The following SLC25A26 variants were observed in gnomAD, a reference collection of about 807,000 sequenced individuals.
The protein encoded by SLC25A26 is mitochondrial S-adenosylmethionine carrier protein.
Under a neutral mutation model 37.8 loss-of-function variants are expected in SLC25A26, and 36 were observed. The ratio of observed to expected loss-of-function variants is 0.95; its 90% CI spans 0.73 to 1.26. The LOEUF (loss-of-function observed/expected upper bound fraction) is 1.26, where lower values mean the gene tolerates loss of function less well. Among genes scored for constraint, SLC25A26 ranks in the 50% most tolerant of loss-of-function variants. The probability of loss-of-function intolerance (pLI) is 0.00; values close to 1 mark genes in which losing one functional copy is unlikely to be tolerated. For missense variants in SLC25A26, 390 were observed against 331.1 expected, an observed-to-expected ratio of 1.18 and a Z score of -1.38; for synonymous variants, 129 against 122.5, an observed-to-expected ratio of 1.05 and a Z score of -0.35.
At chr3:66,226,968 G>T (rs1397003980) in intron 1 of SLC25A26, among the ~76,000 whole-genome samples, 2 of 152,052 alleles carry the variant, frequency 1.3e-5, no homozygotes, top group Non-Finnish European at 2.9e-5. Context: ...TAATTTTTTG[G>T]ACAAAACCTT....
Position 66,370,647 on chromosome 3 carries a change from C to T in SLC25A26, c.707+45C>T, listed in dbSNP as rs771264052. ...CCTTCCTTTCTTCCTCTCCACCACT[C>T]CTCCTCCTTTAGCCTAACTTTGGAT... On this transcript the variant is annotated intron_variant, in intron 9 of 9. Transcript: ENST00000354883. The T allele has an allele frequency of 1.9e-5, 28 of 1,501,406 alleles. No homozygotes were observed. The Middle Eastern group carries it at 8.5e-4, about 46-fold the overall frequency. 93.0% of individuals were successfully genotyped at this position (1,501,406 alleles called of 1,614,324 possible).
At chr3:66,353,952 T>C (rs1324108609) in intron 6 of SLC25A26, among the ~76,000 whole-genome samples, 1 of 152,256 alleles carries the variant, frequency 6.6e-6, no homozygotes, top group African/African-American at 2.4e-5. Flanking sequence ...GCTAATTGTT[T>C]GAAGGTTAGC....
intron 1 of SLC25A26, among the ~76,000 whole-genome samples, chr3:66,149,143 G>A (rs566084508): frequency 1.3e-5 from 2 of 152,192 alleles, no homozygotes; most frequent in South Asian, 2.1e-4. Flanking sequence ...ACCCATTGGG[G>A]CCACTCAGAG....
intron 5 of SLC25A26, among the ~76,000 whole-genome samples, chr3:66,336,622 A>G (rs1205969090): frequency 6.6e-6 from 1 of 152,200 alleles, no homozygotes; most frequent in Non-Finnish European, 1.5e-5. Flanking sequence ...TTCTTAAAGG[A>G]CTGAAGTCAG....
At position 66,361,972 on chromosome 3, in the gene SLC25A26, C is replaced by CA. The variant is rs1010977082; in HGVS notation, c.499-879dup. Among the ~76,000 whole-genome samples the CA allele has an allele frequency of 3.6e-4, 53 of 147,130 alleles. 1 individual carries two copies. Among genetic ancestry groups the CA allele is most frequent in the South Asian group, 1.9e-3 (9 of 4,638 alleles). ...CCTGGGTGACAGAGCGAGTCTGTCT[C>CA]AAAAAAAAAGAAGAAAGAAAGAAAG... is the stretch of plus-strand genomic sequence containing the variant. On this transcript the variant is annotated intron_variant, in intron 6 of 9. Coordinates refer to ENST00000354883, the MANE Select transcript of SLC25A26 (RefSeq NM_001379210.1).
intron 9 of SLC25A26, among the ~76,000 whole-genome samples, chr3:66,371,715 C>G (rs762102163): frequency 6.6e-6 from 1 of 152,082 alleles, no homozygotes; most frequent in Non-Finnish European, 1.5e-5. Flanking sequence ...CTATCTGTGG[C>G]ACATTAATTC....
At chr3:66,241,223 A>T (rs1355379981) in intron 2 of SLC25A26, among the ~76,000 whole-genome samples, 1 of 152,158 alleles carries the variant, frequency 6.6e-6, no homozygotes, top group East Asian at 1.9e-4. Context: ...CTTGTCACCC[A>T]ACCCTACACA....
upstream of SLC25A26, among the ~76,000 whole-genome samples, chr3:66,217,834 G>A (rs2071384102): frequency 6.6e-6 from 1 of 152,198 alleles, no homozygotes; most frequent in East Asian, 1.9e-4. Context: ...ACAGGTATGA[G>A]CCACGGCGCC....
At chr3:66,247,319 A>G (rs1020920993) in intron 3 of SLC25A26, among the ~76,000 whole-genome samples, 3 of 152,042 alleles carry the variant, frequency 2.0e-5, no homozygotes, top group Non-Finnish European at 4.4e-5. Context: ...ATATTTACAA[A>G]TGAATGAATG....
intron 6 of SLC25A26, among the ~76,000 whole-genome samples, chr3:66,352,526 A>G (rs1377458249): frequency 1.3e-5 from 2 of 149,978 alleles, no homozygotes; most frequent in East Asian, 1.9e-4. Context: ...TTCTATATAC[A>G]TCATTTTTTA....
intron 1 of SLC25A26, among the ~76,000 whole-genome samples, chr3:66,140,733 C>A (rs553243394): frequency 6.6e-6 from 1 of 152,218 alleles, no homozygotes; most frequent in Admixed American, 6.5e-5. Flanking sequence ...TCAAATTTCC[C>A]AGTTTCTCAG....
At chr3:66,228,434 T>A (rs2071859725) in intron 1 of SLC25A26, among the ~76,000 whole-genome samples, 1 of 152,374 alleles carries the variant, frequency 6.6e-6, no homozygotes, top group East Asian at 1.9e-4. Context: ...ATTAAATCTT[T>A]TGTAATACAG....
chr3:66,238,595 C>T (rs1018295620), intron 2 of SLC25A26, among the ~76,000 whole-genome samples: 23 of 152,054 alleles, frequency 1.5e-4, no homozygotes, highest in African/African-American at 5.3e-4. Context: ...GTTATCCCGA[C>T]GTCACGTGAT....
chr3:66,144,128 A>G (rs1042427725), intron 1 of SLC25A26, among the ~76,000 whole-genome samples: 5 of 152,090 alleles, frequency 3.3e-5, no homozygotes, highest in African/African-American at 1.2e-4. Flanking sequence ...CCTCTATGAG[A>G]AGCTCATATT....
In SLC25A26 at chr3:66,271,006, G is replaced by T. The variant is rs537211037; in HGVS notation, c.453+7627G>T. On this transcript the variant is annotated intron_variant, in intron 5 of 9. Coordinates refer to ENST00000354883, the MANE Select transcript of SLC25A26 (RefSeq NM_001379210.1). ...GTCCTGAAGGGGCACCAGTTCCTGT[G>T]TGTATGGTTTATGGGATGTAAATGC... Among the ~76,000 whole-genome samples the T allele has an allele frequency of 2.0e-5, 3 of 152,310 alleles. 1 individual carries two copies. The South Asian group carries it at 6.2e-4, about 32-fold the overall frequency.
chr3:66,233,669 C>A (rs1394310288), intron 1 of SLC25A26, among the ~76,000 whole-genome samples: 1 of 151,786 alleles, frequency 6.6e-6, no homozygotes, highest in South Asian at 2.1e-4. Context: ...TATAGGTATT[C>A]TTATTCTTCA....
chr3:66,261,958 T>C, intron 3 of SLC25A26, 93 bp from the exon 4 acceptor site: 1 of 711,390 alleles, frequency 1.4e-6, no homozygotes, highest in South Asian at 1.7e-5. Context: ...GCCTACATAT[T>C]ATACCTTTTT....
chr3:66,241,794 C>G (rs2072597570), intron 2 of SLC25A26, among the ~76,000 whole-genome samples: 1 of 151,924 alleles, frequency 6.6e-6, no homozygotes, highest in Non-Finnish European at 1.5e-5. Flanking sequence ...TAAACCTATG[C>G]TGCAGGAGTG....
chr3:66,377,628 T>A (rs2107889566), intron 9 of SLC25A26, 62 bp from the exon 10 acceptor site: 1 of 1,291,194 alleles, frequency 7.7e-7, no homozygotes, highest in African/African-American at 1.5e-5. Flanking sequence ...AAGCTGTGGG[T>A]ATTGGAATTT....
Sources: allele counts gnomAD v4.1 joint callset (sites outside exome capture counted in the v4.1 genomes callset), GRCh38; gene constraint gnomAD v4.1.1; transcripts MANE v1.5; gene names NCBI Gene and HGNC (gene_info 2026-07-23, HGNC 2026-07-21).